Variants in ACAP2 observed in about 807,000 individuals in gnomAD.
ACAP2 encodes arf-GAP with coiled-coil, ANK repeat and PH domain-containing protein 2.
ACAP2 carries 39 observed loss-of-function variants against 115.8 expected under a neutral mutation model. The ratio of observed to expected loss-of-function variants is 0.34; its 90% CI spans 0.26 to 0.44. The LOEUF (loss-of-function observed/expected upper bound fraction) is 0.44, where lower values mean the gene tolerates loss of function less well. Ranked by LOEUF, ACAP2 falls within the 20% of genes least tolerant of loss-of-function variation. The pLI is 1.00. For missense variants in ACAP2, 662 were observed against 927.6 expected (o/e 0.71, Z 3.72); for synonymous variants, 289 against 315.8 (o/e 0.92, Z 0.90).
chr3:195,370,051 T>TC (rs1733015546), intron 4 of ACAP2, among the ~76,000 whole-genome samples: 1 of 152,252 alleles, frequency 6.6e-6, no homozygotes, highest in Non-Finnish European at 1.5e-5. Context: ...GCTGTGTATG[T>TC]CTTCTTTTGA....
At chr3:195,409,879 C>CAAAAAAAAAAAAAA (rs59779977) in intron 1 of ACAP2, among the ~76,000 whole-genome samples, 2 of 56,980 alleles carry the variant, frequency 3.5e-5, no homozygotes, top group African/African-American at 7.8e-5. Flanking sequence ...GACTCCATCT[C>CAAAAAAAAAAAAAA]AAAAAAAAAA....
chr3:195,354,133 G>A (rs1384193613), intron 4 of ACAP2, among the ~76,000 whole-genome samples: 2 of 152,178 alleles, frequency 1.3e-5, no homozygotes, highest in African/African-American at 4.8e-5. Flanking sequence ...AAGGATAATG[G>A]CCTCCAGCTC....
intron 1 of ACAP2, among the ~76,000 whole-genome samples, chr3:195,393,426 G>A (rs1324297438): frequency 2.0e-5 from 3 of 152,176 alleles, no homozygotes; most frequent in African/African-American, 7.2e-5. Flanking sequence ...TTTTTAAGAA[G>A]TGTTTAAATC....
intron 8 of ACAP2, among the ~76,000 whole-genome samples, chr3:195,331,796 T>C (rs1047832668): frequency 6.6e-6 from 1 of 152,210 alleles, no homozygotes; most frequent in Non-Finnish European, 1.5e-5. Flanking sequence ...TTGAATATAA[T>C]GACATTTTTA....
chr3:195,281,579 CAGTA>C (rs1008840796), intron 22 of ACAP2, among the ~76,000 whole-genome samples: 4 of 151,970 alleles, frequency 2.6e-5, no homozygotes, highest in African/African-American at 7.2e-5. Flanking sequence ...AAGAAAAAAA[CAGTA>C]AGAAGAGATT....
At chr3:195,350,326 T>C (rs546320681) in intron 4 of ACAP2, among the ~76,000 whole-genome samples, 1 of 152,248 alleles carries the variant, frequency 6.6e-6, no homozygotes, top group South Asian at 2.1e-4. Context: ...CAAGACTTAC[T>C]ATGAAAGCTA....
At chr3:195,442,679 CG>C (rs1716109344) in intron 1 of ACAP2, 115 bp downstream of exon 1, 1 of 1,141,544 alleles carries the variant, frequency 8.8e-7, no homozygotes, top group Admixed American at 3.0e-5. Flanking sequence ...AACAGCCGCT[CG>C]CCCCGTCGGA....
chr3:195,297,254 T>C lies in ACAP2; in HGVS notation c.1423A>G (p.Ile475Val). 1 of 1,613,054 alleles carries C rather than the reference T, an allele frequency of 6.2e-7. No homozygotes were observed. Among genetic ancestry groups the C allele is most frequent in the Non-Finnish European group, 8.5e-7 (1 of 1,179,702 alleles). Residue 475 changes from isoleucine (I) to valine (V), a missense_variant, in exon 16 of 23, where the codon ATA becomes GTA. Coordinates refer to ENST00000326793, the MANE Select transcript of ACAP2 (RefSeq NM_012287.6). The stretch of plus-strand genomic sequence containing the variant: ...ACATTAGCTTCATAAACTCGATTTA[T>C]AACATCATTCCCCAACTCACACATA... The part of the protein sequence containing the change: ...KLMCELGNDV[I>V]NRVYEANVEK...
chr3:195,341,105 G>T (rs927603098), intron 6 of ACAP2, among the ~76,000 whole-genome samples: 1 of 151,996 alleles, frequency 6.6e-6, no homozygotes, highest in Non-Finnish European at 1.5e-5. Context: ...TTTATATAAG[G>T]TAATTCCCTA....
intron 6 of ACAP2, among the ~76,000 whole-genome samples, chr3:195,338,338 G>A (rs933392937): frequency 7.2e-5 from 11 of 152,198 alleles, no homozygotes; most frequent in African/African-American, 1.9e-4. Context: ...CACCCTGGCC[G>A]GAGTGCAGTG....
chr3:195,393,829 T>G (rs974856532), intron 1 of ACAP2, among the ~76,000 whole-genome samples: 1 of 145,656 alleles, frequency 6.9e-6, no homozygotes, highest in Non-Finnish European at 1.5e-5. Flanking sequence ...AGATTTTAAA[T>G]GAGGTTGATC....
rs1426555535 is a variant in ACAP2 at position 195,320,739 on chromosome 3, C to T, written c.819G>A (p.Leu273=). ...TGAAGGCATTGCTGGCTCGTTTGAA[C>T]AGATATCCTTCCATAACTATGCCAT... ...AANGIVMEGY[L]FKRASNAFKT... The change falls in exon 10 of 23, where the codon CTG becomes CTA. Residue 273 remains leucine, a synonymous_variant. Transcript: ENST00000326793. The T allele has an allele frequency of 1.9e-6, 3 of 1,613,436 alleles. No individual in the cohort carries two copies. The highest frequency in any genetic ancestry group is 2.5e-6 in the Non-Finnish European group (3 of 1,179,676).
chr3:195,428,831 T>C (rs1016926003), intron 1 of ACAP2, among the ~76,000 whole-genome samples: 2 of 152,202 alleles, frequency 1.3e-5, no homozygotes, highest in African/African-American at 4.8e-5. Flanking sequence ...TCAAATATTG[T>C]TGGCAGATTT....
At position 195,277,214 on chromosome 3, in the gene ACAP2, A is replaced by G. The variant is rs905045478; in HGVS notation, c.*2114T>C. 1.3e-5 allele frequency: 2 copies of G among 152,226 alleles called. No homozygotes were observed. The allele number at this position is 152,226 out of a possible 1,614,324, so 9.4% of individuals were successfully genotyped here. A position where few individuals can be genotyped will look rare whatever the true frequency, so the allele number is the denominator to read the frequency against. On this transcript the variant is annotated 3_prime_UTR_variant, in exon 23 of 23. Transcript: ENST00000326793. Reference sequence around the variant, plus strand: ...GAATTAAAACAGGAAGGGACACTATAAAGGAAAAGTGAGGTTTTTTCTTTT... The same window carrying G: ...GAATTAAAACAGGAAGGGACACTATGAAGGAAAAGTGAGGTTTTTTCTTTT...
intron 1 of ACAP2, among the ~76,000 whole-genome samples, chr3:195,407,038 G>T (rs147278314): frequency 0.013 from 1,909 of 151,862 alleles, 24 homozygotes; most frequent in Middle Eastern, 0.048. Context: ...GATCCTATGA[G>T]AGAGAGAGGA....
chr3:195,320,075 C>G (rs908915475), intron 10 of ACAP2, among the ~76,000 whole-genome samples: 1 of 152,206 alleles, frequency 6.6e-6, no homozygotes, highest in Non-Finnish European at 1.5e-5. Flanking sequence ...TGAGCACTCT[C>G]TCTCTGCTGC....
intron 22 of ACAP2, among the ~76,000 whole-genome samples, chr3:195,284,321 T>C (rs1228781950): frequency 1.3e-5 from 2 of 152,260 alleles, no homozygotes; most frequent in Admixed American, 1.3e-4. Context: ...GGCCTAGTAA[T>C]ACTATCAGTT....
rs73206696 is a variant in ACAP2, at chr3:195,345,249, A to C, written c.344+10T>G. ...TTAATTTTCTTTCCTCTTCACCGCA[A>C]TTGACTTACTCTTTAACAAAGTTCT... is the stretch of plus-strand genomic sequence containing the variant. On this transcript the variant is annotated intron_variant, in intron 5 of 22. Transcript: ENST00000326793. The C allele has an allele frequency of 1.9e-6, 3 of 1,602,322 alleles. No homozygotes were observed. In the South Asian group the frequency reaches 3.3e-5, roughly 18 times the overall value.
At chr3:195,436,376 T>C (rs949233084) in intron 1 of ACAP2, among the ~76,000 whole-genome samples, 6 of 151,750 alleles carry the variant, frequency 4.0e-5, no homozygotes, top group African/African-American at 1.5e-4. Flanking sequence ...TCAAGCGATC[T>C]GCCCACCTCA....
Sources: gnomAD v4.1 joint callset for allele counts (sites outside exome capture counted in the v4.1 genomes callset) on GRCh38, gnomAD v4.1.1 for gene constraint, MANE v1.5 for transcripts, NCBI Gene and HGNC (gene_info 2026-07-23, HGNC 2026-07-21) for gene names.